CCNY: variants seen among roughly 807,000 people sequenced by gnomAD.
The protein encoded by CCNY is cyclin Y.
A neutral mutation model predicts 42.8 loss-of-function variants in CCNY; 19 were observed. The ratio of observed to expected loss-of-function variants is 0.44; its 90% CI spans 0.31 to 0.65. The LOEUF (loss-of-function observed/expected upper bound fraction) is 0.65. Ranked by LOEUF, CCNY falls within the 30% of genes least tolerant of loss-of-function variation. The probability of loss-of-function intolerance (pLI) is 0.07; values close to 1 mark genes in which losing one functional copy is unlikely to be tolerated. For missense variants in CCNY, 370 were observed against 437.3 expected (o/e 0.85, Z 1.37); for synonymous variants, 165 against 162.7 (o/e 1.01, Z -0.11).
rs1374078812 is a variant in CCNY, at chr10:35,465,849, A to G, written c.155-17555A>G. Among the ~76,000 whole-genome samples, 3 of 149,248 alleles carry G rather than the reference A, an allele frequency of 2.0e-5. No homozygotes were observed. In the East Asian group the frequency reaches 6.0e-4, roughly 30 times the overall value. On this transcript the variant is annotated intron_variant, in intron 1 of 9. Coordinates refer to ENST00000374704, the MANE Select transcript of CCNY (RefSeq NM_145012.6). The stretch of plus-strand genomic sequence containing the variant: ...TTGGAGCACTGCCTATCATTGCTGT[A>G]TGTGTGATCCTTACTGCATTCTGCC...
intron 1 of CCNY, among the ~76,000 whole-genome samples, chr10:35,452,939 T>C (rs932922257): frequency 2.0e-5 from 3 of 152,072 alleles, no homozygotes; most frequent in Non-Finnish European, 2.9e-5. Context: ...TTGTATGACA[T>C]ATAATTGTGG....
intron 1 of CCNY, among the ~76,000 whole-genome samples, chr10:35,431,922 ACAT>A: frequency 6.6e-6 from 1 of 152,256 alleles, no homozygotes; most frequent in East Asian, 1.9e-4. Flanking sequence ...TAAAATAAAG[ACAT>A]CATGGATTTG....
intron 1 of CCNY, among the ~76,000 whole-genome samples, chr10:35,353,679 A>C (rs1373908092): frequency 6.6e-6 from 1 of 152,222 alleles, no homozygotes; most frequent in East Asian, 1.9e-4. Context: ...TTTCACTGCA[A>C]CACACTGTAC....
chr10:35,296,360 A>G (rs1396489974), intron 3 of CCNY, among the ~76,000 whole-genome samples: 1 of 152,212 alleles, frequency 6.6e-6, no homozygotes, highest in Non-Finnish European at 1.5e-5. Context: ...CAGGTGGATC[A>G]CTTGCAGCCA....
chr10:35,334,470 C>G (rs1835985905), upstream of CCNY, among the ~76,000 whole-genome samples: 1 of 152,158 alleles, frequency 6.6e-6, no homozygotes, highest in Non-Finnish European at 1.5e-5. Flanking sequence ...CCCAGACAAT[C>G]TGAATACACA....
intron 4 of CCNY, among the ~76,000 whole-genome samples, chr10:35,523,966 C>T (rs2135416609): frequency 6.6e-6 from 1 of 152,282 alleles, no homozygotes; most frequent in South Asian, 2.1e-4. Context: ...TCTTCTTTCT[C>T]AAAGACATTA....
rs145999270 is a variant in CCNY, at chr10:35,513,042, T to C, written c.265-3481T>C. On this transcript the variant is annotated intron_variant, in intron 3 of 9. Transcript: ENST00000374704. ...GGATAATCTCATTATTTGGGACACA[T>C]GATAACTCTTCAATAAAATCTTCTT... Among the ~76,000 whole-genome samples the C allele has an allele frequency of 2.7e-3, 415 of 152,304 alleles. 3 individuals carry two copies. Among genetic ancestry groups the C allele is most frequent in the African/African-American group, 9.6e-3 (398 of 41,570 alleles).
chr10:35,476,836 A>G (rs1052367052), intron 1 of CCNY, among the ~76,000 whole-genome samples: 11 of 152,242 alleles, frequency 7.2e-5, no homozygotes, highest in Admixed American at 1.3e-4. Flanking sequence ...AAAAAAATCA[A>G]TGAATCCAGG....
chr10:35,526,034 G>A (rs776518687), intron 5 of CCNY, 35 bp downstream of exon 5: 9 of 1,555,684 alleles, frequency 5.8e-6, no homozygotes, highest in Admixed American at 1.7e-5. Context: ...AACATCATAC[G>A]TTATCTTCTG....
chr10:35,542,101 C>T (rs1387178222), intron 7 of CCNY, among the ~76,000 whole-genome samples: 1 of 148,376 alleles, frequency 6.7e-6, no homozygotes, highest in East Asian at 2.0e-4. Context: ...TTTAGGATCC[C>T]ATCCAGGACA....
At chr10:35,342,691 A>G (rs1200902148) in intron 1 of CCNY, among the ~76,000 whole-genome samples, 1 of 151,998 alleles carries the variant, frequency 6.6e-6, no homozygotes, top group East Asian at 1.9e-4. Context: ...TAATTACTTG[A>G]CCTGTATTGT....
At chr10:35,310,677 T>C (rs1218093734) in intron 3 of CCNY, among the ~76,000 whole-genome samples, 2 of 152,244 alleles carry the variant, frequency 1.3e-5, no homozygotes, top group Admixed American at 6.5e-5. Flanking sequence ...TTCATACAAC[T>C]GTTGGTCATT....
At chr10:35,551,687 A>C (rs1309653842) in intron 7 of CCNY, among the ~76,000 whole-genome samples, 3 of 152,208 alleles carry the variant, frequency 2.0e-5, no homozygotes, top group Non-Finnish European at 2.9e-5. Context: ...GGCCCAACTT[A>C]ATGGGCTTTG....
chr10:35,406,655 C>A (rs111627562), intron 1 of CCNY, among the ~76,000 whole-genome samples: 2 of 152,340 alleles, frequency 1.3e-5, no homozygotes, highest in South Asian at 2.1e-4. Flanking sequence ...GGCAACCATC[C>A]GATTTCTCAG....
intron 4 of CCNY, among the ~76,000 whole-genome samples, chr10:35,517,701 A>G (rs1052557967): frequency 2.6e-4 from 39 of 152,296 alleles, no homozygotes; most frequent in African/African-American, 6.5e-4. Flanking sequence ...CTAAGTGGCA[A>G]TGCAGCCTCT....
At chr10:35,467,621 C>T (rs1055476619) in intron 1 of CCNY, among the ~76,000 whole-genome samples, 1 of 152,126 alleles carries the variant, frequency 6.6e-6, no homozygotes, top group African/African-American at 2.4e-5. Flanking sequence ...TGTTTCTTTC[C>T]ATTTCAATAA....
At chr10:35,259,680 T>C (rs2095718175) in intron 3 of CCNY, among the ~76,000 whole-genome samples, 1 of 59,322 alleles carries the variant, frequency 1.7e-5, no homozygotes, top group Non-Finnish European at 3.3e-5. Context: ...TTGTTTTTTT[T>C]TTTTTTTTTT....
chr10:35,408,124 A>T (rs1299188382), intron 1 of CCNY, among the ~76,000 whole-genome samples: 1 of 152,172 alleles, frequency 6.6e-6, no homozygotes, highest in African/African-American at 2.4e-5. Flanking sequence ...GAGAGGTTGG[A>T]GAAGAGAGTA....
At chr10:35,307,454 G>T (rs1008986834) in intron 3 of CCNY, among the ~76,000 whole-genome samples, 3 of 152,178 alleles carry the variant, frequency 2.0e-5, no homozygotes, top group African/African-American at 7.2e-5. Context: ...GTTAGAGCTT[G>T]CAAGTTGTTA....
Sources: allele counts gnomAD v4.1 joint callset (sites outside exome capture counted in the v4.1 genomes callset), GRCh38; gene constraint gnomAD v4.1.1; transcripts MANE v1.5; gene names NCBI Gene and HGNC (gene_info 2026-07-23, HGNC 2026-07-21).